The following PCDHA12 variants were observed in gnomAD, a reference collection of about 807,000 sequenced individuals.
PCDHA12 encodes the protein protocadherin alpha-12.
In PCDHA12, 44 loss-of-function variants were observed where a neutral mutation model predicts 60.0. The ratio of observed to expected loss-of-function variants is 0.73; its 90% CI spans 0.58 to 0.94. The LOEUF (loss-of-function observed/expected upper bound fraction) is 0.94, where lower values mean the gene tolerates loss of function less well. Among genes scored for constraint, PCDHA12 ranks in the 40% least tolerant of loss-of-function variants. The probability of loss-of-function intolerance (pLI) is 0.00; values close to 1 mark genes in which losing one functional copy is unlikely to be tolerated. For missense variants in PCDHA12, 1,276 were observed against 1,239.7 expected, an observed-to-expected ratio of 1.03 and a Z score of -0.44; for synonymous variants, 569 against 553.0, an observed-to-expected ratio of 1.03 and a Z score of -0.40.
rs782413551 is a variant in PCDHA12, at chr5:141,009,873, A to G, written c.2762A>G (p.Lys921Arg). Residue 921 changes from lysine to arginine, a missense_variant, in exon 4 of 4, where the codon AAG becomes AGG. By Grantham distance (26) the Lys-to-Arg change is conservative. Coordinates refer to ENST00000398631, the MANE Select transcript of PCDHA12 (RefSeq NM_018903.4). ...EETKKKKKKK[K>R]GNKTQEKKEK... The stretch of plus-strand genomic sequence containing the variant: ...ACCAAGAAAAAGAAGAAAAAGAAGA[A>G]GGGTAACAAGACCCAGGAGAAAAAA... 6.2e-7 allele frequency: 1 copy of G among 1,614,034 alleles called. No individual in the cohort carries two copies. The highest frequency in any genetic ancestry group is 8.5e-7 in the Non-Finnish European group (1 of 1,180,008).
intron 1 of PCDHA12, chr5:140,926,562 C>CT (rs1271947865): frequency 1.6e-5 from 4 of 250,352 alleles, no homozygotes; most frequent in African/African-American, 8.9e-5. Context: ...CAGCCCGCTG[C>CT]TACTGGAGAC....
chr5:140,880,851 A>T lies in PCDHA12; in HGVS notation c.2367+3012A>T, dbSNP rs577713176. 2.0e-5 allele frequency among the ~76,000 whole-genome samples: 3 copies of T among 152,322 alleles called. No individual in the cohort carries two copies. In the South Asian group the frequency reaches 6.2e-4, roughly 32 times the overall value. On this transcript the variant is annotated intron_variant, in intron 1 of 3. Coordinates refer to ENST00000398631, the MANE Select transcript of PCDHA12 (RefSeq NM_018903.4). The stretch of plus-strand genomic sequence containing the variant: ...GCATATTTTAAATGGTTGACTATGT[A>T]GTCTAATTATGTGAAGAGGTAAATA...
At chr5:140,982,414 G>A in intron 2 of PCDHA12, 61 bp from the exon 3 acceptor site, 1 of 1,609,882 alleles carries the variant, frequency 6.2e-7, no homozygotes, top group Non-Finnish European at 8.5e-7. Flanking sequence ...TCTGAGGGTG[G>A]AAGAAGAGAT....
chr5:140,980,657 A>G (rs553240428), intron 2 of PCDHA12, among the ~76,000 whole-genome samples: 2 of 151,966 alleles, frequency 1.3e-5, no homozygotes, highest in Non-Finnish European at 2.9e-5. Context: ...ATAAAATAAC[A>G]TAACTTCCTT....
chr5:140,878,468 A>G (rs2057603759), intron 1 of PCDHA12, among the ~76,000 whole-genome samples: 1 of 152,188 alleles, frequency 6.6e-6, no homozygotes, highest in Non-Finnish European at 1.5e-5. Flanking sequence ...TAATAAAATC[A>G]TTTCTCAATT....
At chr5:140,990,628 G>A (rs1380038956) in intron 3 of PCDHA12, among the ~76,000 whole-genome samples, 1 of 152,154 alleles carries the variant, frequency 6.6e-6, no homozygotes, top group African/African-American at 2.4e-5. Flanking sequence ...TCTGTGGTAA[G>A]ACTAGAAGCC....
Position 141,009,779 on chromosome 5 carries a change from A to G in PCDHA12, c.2668A>G (p.Ile890Val), listed in dbSNP as rs1289763016. 3.7e-6 allele frequency: 6 copies of G among 1,613,952 alleles called. No individual in the cohort carries two copies. Among genetic ancestry groups the G allele is most frequent in the Non-Finnish European group, 5.1e-6 (6 of 1,180,030 alleles). ...CCCAGGATCTCCTGCAATCATCTCCATCCGGCAGGAGCCTACTAACAGCCA... is the reference window on the plus strand; with the variant it reads ...CCCAGGATCTCCTGCAATCATCTCCGTCCGGCAGGAGCCTACTAACAGCCA... ...IIPGSPAIIS[I>V]RQEPTNSQID... The change falls in exon 4 of 4, where the codon ATC becomes GTC. Residue 890 changes from isoleucine to valine, a missense_variant. Coordinates refer to ENST00000398631, the MANE Select transcript of PCDHA12 (RefSeq NM_018903.4).
Position 141,010,780 on chromosome 5 carries a change from TGCAAAA to T in PCDHA12, c.*851_*856del, listed in dbSNP as rs1309288663. 1 of 153,816 alleles carries T rather than the reference TGCAAAA, an allele frequency of 6.5e-6. No homozygotes were observed. The highest frequency in any genetic ancestry group is 1.9e-4 in the East Asian group (1 of 5,188). The allele number at this position is 153,816 out of a possible 1,614,324, so 9.5% of individuals were successfully genotyped here. On this transcript the variant is annotated 3_prime_UTR_variant, in exon 4 of 4. Transcript: ENST00000398631. ...AGGCCAGATCCTTTTCCAATACTTATGCAAAAGCAAAAGAAAACCCCGACACCTCAC... is the reference window on the plus strand; with the variant it reads ...AGGCCAGATCCTTTTCCAATACTTATGCAAAAGAAAACCCCGACACCTCAC...
chr5:140,876,017 T>C lies in PCDHA12; in HGVS notation c.545T>C (p.Ile182Thr), dbSNP rs371785405. The C allele has an allele frequency of 8.7e-6, 14 of 1,613,124 alleles. No homozygotes were observed. Among genetic ancestry groups the C allele is most frequent in the Admixed American group, 3.3e-5 (2 of 59,812 alleles). ...CTAAATGAGAATTTTGAGCTTAAAA[T>C]AAAAACAAAAAAAGATAAAAGTATA... ...LSLNENFELKIKTKKDKSILP... is the reference protein window; with the variant it reads ...LSLNENFELKTKTKKDKSILP... Residue 182 changes from isoleucine (I) to threonine (T), a missense_variant, in exon 1 of 4, where the codon ATA becomes ACA. Ile to Thr is a moderately conservative substitution (Grantham distance 89). Transcript: ENST00000398631.
chr5:140,880,381 A>C (rs2058322833), intron 1 of PCDHA12, among the ~76,000 whole-genome samples: 1 of 152,196 alleles, frequency 6.6e-6, no homozygotes, highest in Admixed American at 6.5e-5. Context: ...GAGAATAGAA[A>C]ATAATTTTTA....
At chr5:140,940,645 A>G (rs1554213545) in intron 1 of PCDHA12, among the ~76,000 whole-genome samples, 1 of 152,156 alleles carries the variant, frequency 6.6e-6, no homozygotes, top group Non-Finnish European at 1.5e-5. Flanking sequence ...TCATTTATTT[A>G]TTTAAATATA....
intron 1 of PCDHA12, among the ~76,000 whole-genome samples, chr5:140,969,883 A>G (rs1161815776): frequency 6.6e-6 from 1 of 152,204 alleles, no homozygotes; most frequent in African/African-American, 2.4e-5. Flanking sequence ...ATGTGATAGG[A>G]TCCTCTGGAA....
chr5:141,000,385 CTCTCTCTCTCTA>C (rs1405113604), intron 3 of PCDHA12, among the ~76,000 whole-genome samples: 12 of 64,976 alleles, frequency 1.8e-4, no homozygotes, highest in Admixed American at 6.0e-4. Context: ...CTCTCTCTCT[CTCTCTCTCTCTA>C]TATATATATA....
rs569501434 is a variant in PCDHA12 at position 140,980,458 on chromosome 5, T to C, written c.2426+1451T>C. Among the ~76,000 whole-genome samples the C allele has an allele frequency of 1.6e-4, 25 of 152,264 alleles. No individual in the cohort carries two copies. The South Asian group carries it at 2.7e-3, about 16-fold the overall frequency. ...CATCCTGGACAACACGGTGAAACCC[T>C]GTCTCTACTAAAAATACAAAAATTA... On this transcript the variant is annotated intron_variant, in intron 2 of 3. Coordinates refer to ENST00000398631, the MANE Select transcript of PCDHA12 (RefSeq NM_018903.4).
intron 1 of PCDHA12, among the ~76,000 whole-genome samples, chr5:140,935,894 C>CTT (rs55841305): frequency 0.3 from 41,439 of 136,538 alleles, 6,640 homozygotes; most frequent in East Asian, 0.49. Context: ...TCAATATTAT[C>CTT]TTTTTTTTTT....
At chr5:140,937,291 C>T (rs940890612) in intron 1 of PCDHA12, among the ~76,000 whole-genome samples, 1 of 152,104 alleles carries the variant, frequency 6.6e-6, no homozygotes, top group African/African-American at 2.4e-5. Flanking sequence ...CCCGCTTCGG[C>T]CTCCCAAAGT....
chr5:140,897,877 C>T (rs1554187641), intron 1 of PCDHA12, among the ~76,000 whole-genome samples: 1 of 152,154 alleles, frequency 6.6e-6, no homozygotes, highest in Non-Finnish European at 1.5e-5. Flanking sequence ...TAATGATTGC[C>T]ATTCTAACTG....
intron 1 of PCDHA12, among the ~76,000 whole-genome samples, chr5:140,977,005 A>C (rs982594376): frequency 3.3e-5 from 5 of 152,156 alleles, no homozygotes; most frequent in Non-Finnish European, 5.9e-5. Flanking sequence ...AAATCTTGTA[A>C]CTGTGATTCT....
chr5:140,967,079 A>G (rs2096093467), intron 1 of PCDHA12: 10 of 1,613,252 alleles, frequency 6.2e-6, no homozygotes, highest in Non-Finnish European at 8.5e-6. Flanking sequence ...CAACGAGCGC[A>G]TTGATCGGGA....
Sources: allele counts gnomAD v4.1 joint callset (sites outside exome capture counted in the v4.1 genomes callset), GRCh38; gene constraint gnomAD v4.1.1; transcripts MANE v1.5; gene names NCBI Gene and HGNC (gene_info 2026-07-23, HGNC 2026-07-21).